The following MEIOSIN variants were observed in gnomAD, a reference collection of about 807,000 sequenced individuals.
MEIOSIN encodes the protein meiosis initiator.
A neutral mutation model predicts 23.4 loss-of-function variants in MEIOSIN; 18 were observed. The observed-to-expected ratio is 0.77, with a 90% CI of 0.53 to 1.14. The LOEUF (loss-of-function observed/expected upper bound fraction) is 1.14, where lower values mean the gene tolerates loss of function less well. MEIOSIN is among the 50% of genes most tolerant of loss of function. The probability of loss-of-function intolerance (pLI) is 0.00; values close to 1 mark genes in which losing one functional copy is unlikely to be tolerated. For synonymous variants in MEIOSIN, 187 were observed against 100.6 expected, an observed-to-expected ratio of 1.86 and a Z score of -5.14; for missense variants, 428 against 242.9, an observed-to-expected ratio of 1.76 and a Z score of -5.07.
intron 14 of MEIOSIN, 88 bp from the exon 15 acceptor site, chr19:45,763,883 C>A: frequency 5.0e-6 from 2 of 398,386 alleles, no homozygotes; most frequent in Non-Finnish European, 8.8e-6. Context: ...GTGGCCCAGG[C>A]CCCTGCGGGG....
In MEIOSIN at chr19:45,764,380, G is replaced by C. The variant is rs1969017603; in HGVS notation, c.*262G>C. 1 of 367,290 alleles carries C rather than the reference G, an allele frequency of 2.7e-6. No homozygotes were observed. The highest frequency in any genetic ancestry group is 4.6e-5 in the Admixed American group (1 of 21,606). The allele number at this position is 367,290 out of a possible 1,614,324, so 22.8% of individuals were successfully genotyped here. On this transcript the variant is annotated 3_prime_UTR_variant, in exon 15 of 15. Transcript: ENST00000457052. ...AATGAAATGCGGGGTGTCGGAAGGT[G>C]AAGTTTACCCACCCCTCTCCCCTTC...
At chr19:45,761,911 C>T (rs1342401840) in intron 12 of MEIOSIN, 28 bp from the exon 13 acceptor site, 1 of 615,778 alleles carries the variant, frequency 1.6e-6, no homozygotes. Flanking sequence ...GGCCTCCTTC[C>T]TCTCTCACCA....
chr19:45,746,425 T>C (rs577906078), intron 4 of MEIOSIN, among the ~76,000 whole-genome samples: 1 of 152,324 alleles, frequency 6.6e-6, no homozygotes, highest in Middle Eastern at 3.4e-3. Context: ...TTCAAATGTC[T>C]TTCCTGTCCT....
chr19:45,736,569 G>C (rs1292458797), intron 2 of MEIOSIN, among the ~76,000 whole-genome samples: 1 of 151,694 alleles, frequency 6.6e-6, no homozygotes, highest in Non-Finnish European at 1.5e-5. Context: ...GGGTCTCACT[G>C]TGTTGGCCAG....
At chr19:45,758,292 C>T (rs1968871557) in intron 9 of MEIOSIN, among the ~76,000 whole-genome samples, 2 of 152,122 alleles carry the variant, frequency 1.3e-5, no homozygotes, top group African/African-American at 2.4e-5. Flanking sequence ...CCGCATCTGA[C>T]CTCAGAATCT....
chr19:45,764,266 T>C lies in MEIOSIN; in HGVS notation c.*148T>C, dbSNP rs537698613. ...TGGGACTGGGGAGGGGGGCACTGAT[T>C]AGCCCCAACCGCTGGGCACATTTGC... On this transcript the variant is annotated 3_prime_UTR_variant, in exon 15 of 15. Transcript: ENST00000457052. The C allele has an allele frequency of 1.8e-5, 7 of 397,180 alleles. No homozygotes were observed. Among genetic ancestry groups the C allele is most frequent in the Non-Finnish European group, 2.7e-5 (6 of 225,770 alleles). The allele number at this position is 397,180 out of a possible 1,614,324, so 24.6% of individuals were successfully genotyped here. A position where few individuals can be genotyped will look rare whatever the true frequency, so the allele number is the denominator to read the frequency against.
At chr19:45,740,312 A>C (rs1218086031) in intron 3 of MEIOSIN, among the ~76,000 whole-genome samples, 1 of 152,220 alleles carries the variant, frequency 6.6e-6, no homozygotes, top group African/African-American at 2.4e-5. Context: ...GTCACACAGC[A>C]AGCGGAGGAA....
At chr19:45,748,081 C>CTT (rs775719188) in intron 4 of MEIOSIN, among the ~76,000 whole-genome samples, 1 of 144,320 alleles carries the variant, frequency 6.9e-6, no homozygotes, top group African/African-American at 2.5e-5. Context: ...AAGACCCTGT[C>CTT]TTTTTTTTTT....
At position 45,764,066 on chromosome 19, in the gene MEIOSIN, T is replaced by A. The variant is rs1364323397; in HGVS notation, c.1865T>A (p.Phe622Tyr). The A allele has an allele frequency of 2.5e-6, 1 of 398,506 alleles. No homozygotes were observed. The highest frequency in any genetic ancestry group is 2.1e-5 in the African/African-American group (1 of 48,618). 24.7% of individuals were successfully genotyped at this position (398,506 alleles called of 1,614,324 possible). ...GAGGACTGGGAGACGCCAAAGCCCT[T>A]CTACCAGCTGCTGGCCGAGAAGGCC... ...EAEDWETPKP[F>Y]YQLLAEKALP... is the part of the protein sequence containing the mutation. The change falls in exon 15 of 15, where the codon TTC (phenylalanine) becomes TAC (tyrosine). Residue 622 changes from phenylalanine (F) to tyrosine (Y), a missense_variant. Coordinates refer to ENST00000457052, the MANE Select transcript of MEIOSIN (RefSeq NM_001310124.2).
chr19:45,737,230 A>C (rs1342869725), intron 2 of MEIOSIN, among the ~76,000 whole-genome samples: 1 of 149,654 alleles, frequency 6.7e-6, no homozygotes, highest in Middle Eastern at 3.3e-3. Flanking sequence ...TGGAATGTGG[A>C]ATGCAGTGGT....
intron 7 of MEIOSIN, 146 bp from the exon 8 acceptor site, chr19:45,755,824 C>T (rs892086913): frequency 1.3e-5 from 8 of 599,358 alleles, no homozygotes; most frequent in Admixed American, 2.9e-5. Context: ...CTCACACCAA[C>T]GTGACACCCT....
At chr19:45,739,777 C>T (rs1448241952) in intron 3 of MEIOSIN, 47 bp downstream of exon 3, 3 of 702,746 alleles carry the variant, frequency 4.3e-6, no homozygotes, top group African/African-American at 1.7e-5. Flanking sequence ...CAAGCAAAAA[C>T]ATAGCCCATT....
rs989399557 is a variant in MEIOSIN at position 45,742,752 on chromosome 19, G to A, written c.177-2440G>A. Among the ~76,000 whole-genome samples the A allele has an allele frequency of 3.3e-5, 5 of 152,072 alleles. No homozygotes were observed. In the South Asian group the frequency reaches 6.2e-4, roughly 19 times the overall value. On this transcript the variant is annotated intron_variant, in intron 3 of 14. Transcript: ENST00000457052. ...GGCGGAGTTTGCAGAAGCTGAGATC[G>A]CGCCACTGCACTCCAGCCTGGGTGA...
chr19:45,760,257 C>T (rs1968912595), intron 11 of MEIOSIN, among the ~76,000 whole-genome samples: 1 of 152,086 alleles, frequency 6.6e-6, no homozygotes, highest in Non-Finnish European at 1.5e-5. Flanking sequence ...CACCTGAGAT[C>T]AGGAGTTCAA....
At chr19:45,757,093 G>T (rs1408112265) in intron 8 of MEIOSIN, 84 bp from the exon 9 acceptor site, 7 of 665,284 alleles carry the variant, frequency 1.1e-5, no homozygotes, top group South Asian at 3.2e-5. Context: ...TCCCCCAGGG[G>T]CCAGTGCAGA....
At chr19:45,756,110 G>A (rs555198297) in intron 8 of MEIOSIN, 32 bp downstream of exon 8, 7 of 701,808 alleles carry the variant, frequency 1.0e-5, no homozygotes, top group Admixed American at 2.0e-5. Flanking sequence ...TGAGTGAGTG[G>A]TGCTGAGGGG....
intron 4 of MEIOSIN, among the ~76,000 whole-genome samples, chr19:45,748,995 G>A (rs868768833): frequency 1.3e-5 from 2 of 151,826 alleles, no homozygotes; most frequent in South Asian, 4.2e-4. Context: ...CTTGAACCTG[G>A]GAGTCAGAGG....
intron 3 of MEIOSIN, among the ~76,000 whole-genome samples, chr19:45,743,843 G>C (rs1600378536): frequency 6.6e-6 from 1 of 151,126 alleles, no homozygotes; most frequent in East Asian, 2.0e-4. Flanking sequence ...TTTTCATAAA[G>C]GCGAGGTCTC....
chr19:45,756,412 A>G (rs1417700632), intron 8 of MEIOSIN, among the ~76,000 whole-genome samples: 2 of 151,550 alleles, frequency 1.3e-5, no homozygotes, highest in African/African-American at 4.8e-5. Flanking sequence ...ATAGAGTCCA[A>G]TATTTTTGTT....
Sources: gnomAD v4.1 joint callset for allele counts (sites outside exome capture counted in the v4.1 genomes callset) on GRCh38, gnomAD v4.1.1 for gene constraint, MANE v1.5 for transcripts, NCBI Gene and HGNC (gene_info 2026-07-23, HGNC 2026-07-21) for gene names.